WWP2: variants seen among roughly 807,000 people sequenced by gnomAD.
The protein encoded by WWP2 is WW domain containing E3 ubiquitin protein ligase 2.
WWP2 carries 57 observed loss-of-function variants against 121.0 expected under a neutral mutation model. That is an observed-to-expected ratio of 0.47 (90% CI 0.38 to 0.59). The LOEUF is 0.59. Ranked by LOEUF, WWP2 falls within the 20% of genes least tolerant of loss-of-function variation. WWP2 has a pLI of 0.00. For synonymous variants in WWP2, 449 were observed against 441.3 expected (o/e 1.02, Z -0.22); for missense variants, 962 against 1,158.9 (o/e 0.83, Z 2.47).
At chr16:69,881,261 C>T (rs542773871) in intron 7 of WWP2, among the ~76,000 whole-genome samples, 3 of 152,284 alleles carry the variant, frequency 2.0e-5, no homozygotes, top group East Asian at 1.9e-4. Flanking sequence ...GTTTTTACTT[C>T]GTGGTGTTCT....
Position 69,941,393 on chromosome 16 carries a change from G to A in WWP2, c.*1453G>A, listed in dbSNP as rs747476794. The A allele has an allele frequency of 5.2e-5, 8 of 154,118 alleles. No individual in the cohort carries two copies. Among genetic ancestry groups the A allele is most frequent in the East Asian group, 3.9e-4 (2 of 5,174 alleles). 9.5% of individuals were successfully genotyped at this position (154,118 alleles called of 1,614,324 possible). On this transcript the variant is annotated 3_prime_UTR_variant, in exon 24 of 24. Coordinates refer to ENST00000359154, the MANE Select transcript of WWP2 (RefSeq NM_001270454.2). ...TTCTCGACCTTCCCCCGGCCCGGGA[G>A]GTGCAGCCTGCGTCTGCCTCTGTCG...
intron 6 of WWP2, among the ~76,000 whole-genome samples, chr16:69,854,232 A>T (rs2151893540): frequency 6.6e-6 from 1 of 152,356 alleles, no homozygotes; most frequent in South Asian, 2.1e-4. Flanking sequence ...TAGTCTTGAG[A>T]GCTTGGTAGC....
At chr16:69,888,942 A>G (rs1315774564) in intron 8 of WWP2, among the ~76,000 whole-genome samples, 2 of 152,002 alleles carry the variant, frequency 1.3e-5, no homozygotes, top group Non-Finnish European at 2.9e-5. Flanking sequence ...CTGACCTCAC[A>G]TCATCCACCT....
intron 10 of WWP2, chr16:69,924,836 T>C: frequency 1.4e-6 from 1 of 694,022 alleles, no homozygotes; most frequent in Non-Finnish European, 1.8e-6. Flanking sequence ...GGGGCATGAA[T>C]GTGCCCTCAG....
At chr16:69,817,606 C>G (rs1421975150) in intron 4 of WWP2, among the ~76,000 whole-genome samples, 1 of 145,298 alleles carries the variant, frequency 6.9e-6, no homozygotes, top group Non-Finnish European at 1.5e-5. Flanking sequence ...GTCTTTCATT[C>G]TTGGCCCTTT....
chr16:69,792,363 GC>G (rs1233073791), intron 2 of WWP2, among the ~76,000 whole-genome samples: 1 of 152,148 alleles, frequency 6.6e-6, no homozygotes, highest in African/African-American at 2.4e-5. Flanking sequence ...CTTCTTAAGA[GC>G]TTTTTCAGTG....
intron 10 of WWP2, among the ~76,000 whole-genome samples, chr16:69,922,413 A>C (rs1025464287): frequency 2.1e-4 from 32 of 152,186 alleles, no homozygotes; most frequent in Non-Finnish European, 2.4e-4. Context: ...AACTCTCATG[A>C]GCTCTCTGGC....
intron 6 of WWP2, among the ~76,000 whole-genome samples, chr16:69,852,437 A>G (rs565534411): frequency 4.3e-4 from 65 of 152,112 alleles, no homozygotes; most frequent in South Asian, 2.3e-3. Context: ...ACGCCCAGCT[A>G]ATTTTTTTGT....
At chr16:69,806,949 TATTTATTC>T (rs1034784784) in intron 4 of WWP2, among the ~76,000 whole-genome samples, 26 of 146,132 alleles carry the variant, frequency 1.8e-4, no homozygotes, top group South Asian at 4.3e-4. Flanking sequence ...TTTATTTATT[TATTTATTC>T]ATTCATTCAT....
chr16:69,823,562 G>T (rs1567686156), intron 4 of WWP2, among the ~76,000 whole-genome samples: 1 of 151,810 alleles, frequency 6.6e-6, no homozygotes, highest in East Asian at 1.9e-4. Flanking sequence ...TGTGCTCCTG[G>T]GTTCAAGCGA....
intron 1 of WWP2, among the ~76,000 whole-genome samples, chr16:69,765,081 G>A (rs1479652795): frequency 6.6e-6 from 1 of 151,986 alleles, no homozygotes; most frequent in Non-Finnish European, 1.5e-5. Context: ...GCGCCCGCCT[G>A]GCTACTCAGG....
intron 9 of WWP2, among the ~76,000 whole-genome samples, chr16:69,911,963 C>T (rs115351511): frequency 0.036 from 5,515 of 152,134 alleles, 123 homozygotes; most frequent in South Asian, 0.07. Flanking sequence ...AAAGCCTCAG[C>T]GATTAGAGGC....
chr16:69,917,614 C>A, intron 9 of WWP2, 95 bp from the exon 10 acceptor site: 1 of 1,451,614 alleles, frequency 6.9e-7, no homozygotes, highest in Non-Finnish European at 9.4e-7. Context: ...TGTGACAGGG[C>A]CTGCCCGGCT....
intron 4 of WWP2, among the ~76,000 whole-genome samples, chr16:69,824,469 G>A (rs2056647979): frequency 6.6e-6 from 1 of 151,828 alleles, no homozygotes. Flanking sequence ...GGACAGTAAG[G>A]CACACACTTC....
At chr16:69,919,894 G>C (rs1465796110) in intron 10 of WWP2, among the ~76,000 whole-genome samples, 2 of 151,192 alleles carry the variant, frequency 1.3e-5, no homozygotes, top group Non-Finnish European at 2.9e-5. Flanking sequence ...CTGGGCTGAA[G>C]TGATCCTCCC....
intron 6 of WWP2, among the ~76,000 whole-genome samples, chr16:69,864,062 A>G (rs1044888965): frequency 6.6e-6 from 1 of 152,120 alleles, no homozygotes; most frequent in Non-Finnish European, 1.5e-5. Context: ...TTCATTTCTC[A>G]TGGGTAAATA....
Position 69,922,448 on chromosome 16 carries a change from C to T in WWP2, c.1180-2982C>T, listed in dbSNP as rs1266272367. Among the ~76,000 whole-genome samples the T allele has an allele frequency of 2.6e-5, 4 of 152,230 alleles. No individual in the cohort carries two copies. The East Asian group carries it at 7.7e-4, about 29-fold the overall frequency. ...CTCATGGCCTGCACCCCAGATCTCCCAACCCAGGGACCATTACCCGGGAAG... is the reference window on the plus strand; with the variant it reads ...CTCATGGCCTGCACCCCAGATCTCCTAACCCAGGGACCATTACCCGGGAAG... On this transcript the variant is annotated intron_variant, in intron 10 of 23. Coordinates refer to ENST00000359154, the MANE Select transcript of WWP2 (RefSeq NM_001270454.2).
chr16:69,871,979 C>T, intron 7 of WWP2, 48 bp downstream of exon 7: 1 of 1,585,340 alleles, frequency 6.3e-7, no homozygotes. Context: ...TGTGGGCTCT[C>T]ACCCGTTCTA....
chr16:69,827,024 A>G (rs1246790282), intron 4 of WWP2, among the ~76,000 whole-genome samples: 1 of 151,716 alleles, frequency 6.6e-6, no homozygotes, highest in Non-Finnish European at 1.5e-5. Context: ...ACCAGCACAC[A>G]TCTACTTGTC....
Sources: gnomAD v4.1 joint callset for allele counts (sites outside exome capture counted in the v4.1 genomes callset) on GRCh38, gnomAD v4.1.1 for gene constraint, MANE v1.5 for transcripts, NCBI Gene and HGNC (gene_info 2026-07-23, HGNC 2026-07-21) for gene names.